The following LRP1 variants were observed in gnomAD, a reference collection of about 807,000 sequenced individuals.
LRP1 encodes LDL receptor related protein 1.
In LRP1, 51 loss-of-function variants were observed where a neutral mutation model predicts 541.5. That is an observed-to-expected ratio of 0.09 (90% CI 0.08 to 0.12). The LOEUF (loss-of-function observed/expected upper bound fraction) is 0.12, where lower values mean the gene tolerates loss of function less well. Ranked by LOEUF, LRP1 falls within the 10% of genes least tolerant of loss-of-function variation. The pLI, the probability that LRP1 is intolerant of heterozygous loss-of-function variation, is 1.00. For missense variants in LRP1, 3,878 were observed against 6,376.2 expected (o/e 0.61, Z 13.34); for synonymous variants, 2,219 against 2,470.8 (o/e 0.90, Z 3.02).
Position 57,212,345 on chromosome 12 carries a change from G to T in LRP1, c.13495-70G>T. 1.2e-6 allele frequency: 2 copies of T among 1,613,514 alleles called. No homozygotes were observed. The highest frequency in any genetic ancestry group is 1.1e-5 in the South Asian group (1 of 91,068). On this transcript the variant is annotated intron_variant, in intron 88 of 88. Coordinates refer to ENST00000243077, the MANE Select transcript of LRP1 (RefSeq NM_002332.3). This position sits in a 1 kb window ranked among gnomAD's most constrained non-coding sequence, Gnocchi z 5.0. ...GTGTTGGGTTAGGTGAGGGACGGAG[G>T]TGGGGGTGGGGTAACCTGGGCTACA...
chr12:57,161,781 C>T (rs908268762), intron 13 of LRP1, among the ~76,000 whole-genome samples: 3 of 152,248 alleles, frequency 2.0e-5, no homozygotes, highest in South Asian at 4.1e-4. Flanking sequence ...GGGCTACCTC[C>T]CCTAGGATGT....
chr12:57,147,241 G>A (rs1004820485), intron 6 of LRP1, among the ~76,000 whole-genome samples: 3 of 151,856 alleles, frequency 2.0e-5, no homozygotes, highest in African/African-American at 4.8e-5. Context: ...CCTGCTCCAC[G>A]TCCCTGCCGC....
chr12:57,204,300 G>A lies in LRP1; in HGVS notation c.10952-110G>A. The A allele has an allele frequency of 1.6e-6, 2 of 1,270,490 alleles. No individual in the cohort carries two copies. The highest frequency in any genetic ancestry group is 2.1e-6 in the Non-Finnish European group (2 of 947,782). The allele number at this position is 1,270,490 out of a possible 1,614,324, so 78.7% of individuals were successfully genotyped here. A position where few individuals can be genotyped will look rare whatever the true frequency, so the allele number is the denominator to read the frequency against. ...TAAGAGACCTGGTTCCAATTTGGCT[G>A]TGCCACTGCTTGCCTGGTGACCCCT... On this transcript the variant is annotated intron_variant, in intron 70 of 88. Coordinates refer to ENST00000243077, the MANE Select transcript of LRP1 (RefSeq NM_002332.3). The surrounding 1 kb of genome is among the most constrained non-coding windows in gnomAD (Gnocchi z 5.3).
At chr12:57,172,471 T>C (rs756209774) in intron 20 of LRP1, among the ~76,000 whole-genome samples, 3 of 152,268 alleles carry the variant, frequency 2.0e-5, no homozygotes, top group Non-Finnish European at 2.9e-5. Context: ...GCCTGGCCTG[T>C]GTGCTGTTTT....
chr12:57,180,233 C>T (rs2036136409), intron 31 of LRP1, 92 bp downstream of exon 31: 1 of 1,578,704 alleles, frequency 6.3e-7, no homozygotes, highest in Non-Finnish European at 8.7e-7. Flanking sequence ...TCAGCCTCCC[C>T]AGAGCCCTAG....
Position 57,145,291 on chromosome 12 carries a change from G to T in LRP1, c.642G>T (p.Leu214=). 6.2e-7 allele frequency: 1 copy of T among 1,614,174 alleles called. No homozygotes were observed. The highest frequency in any genetic ancestry group is 8.5e-7 in the Non-Finnish European group (1 of 1,180,030). The change falls in exon 6 of 89, where the codon CTG becomes CTT. Residue 214 remains leucine (L), a synonymous_variant. Transcript: ENST00000243077. ...CCCAGAACATCTTGGCCACGTACCT[G>T]AGTGGGGCCCAGGTGTCTACCATCA... ...ANSQNILATY[L]SGAQVSTITP... is the part of the protein sequence containing the mutation.
In LRP1 at chr12:57,196,083, G is replaced by T. The variant is rs555158180; in HGVS notation, c.8702-4G>T. On this transcript the variant is annotated splice_polypyrimidine_tract_variant and splice_region_variant and intron_variant, in intron 54 of 88. Transcript: ENST00000243077. ...GCTGACCTGCCGCCTCCGCCCCTCC[G>T]CAGAGCACAAGTGCAATGCCTCGTC... The T allele has an allele frequency of 6.2e-7, 1 of 1,608,810 alleles. No individual in the cohort carries two copies. Among genetic ancestry groups the T allele is most frequent in the Non-Finnish European group, 8.5e-7 (1 of 1,176,486 alleles).
At position 57,138,545 on chromosome 12, in the gene LRP1, G is replaced by C; in HGVS notation, c.154G>C (p.Asp52His). 6.2e-7 allele frequency: 1 copy of C among 1,614,088 alleles called. No homozygotes were observed. The highest frequency in any genetic ancestry group is 8.5e-7 in the Non-Finnish European group (1 of 1,179,970). ...SKGWRCDGER[D>H]CPDGSDEAPE... ...GGGCTGGCGGTGCGACGGTGAGAGG[G>C]ACTGCCCAGACGGATCTGACGAGGC... The change falls in exon 2 of 89, where the codon GAC becomes CAC. Residue 52 changes from aspartate (D) to histidine (H), a missense_variant. Transcript: ENST00000243077.
rs1396654134 is a variant in LRP1 at position 57,211,232 on chromosome 12, T to C, written c.12973T>C (p.Ser4325Pro). 1 of 1,614,184 alleles carries C rather than the reference T, an allele frequency of 6.2e-7. No homozygotes were observed. Among genetic ancestry groups the C allele is most frequent in the Admixed American group, 1.7e-5 (1 of 60,018 alleles). Residue 4325 changes from serine to proline, a missense_variant, in exon 84 of 89, where the codon TCC becomes CCC. Physicochemically the swap from Ser to Pro is moderately conservative, Grantham distance 74 (BLOSUM62 -1). Transcript: ENST00000243077. The surrounding 1 kb of genome is among the most constrained non-coding windows in gnomAD (Gnocchi z 4.3). ...CACATGCCAGATGGCTGCTGATGGC[T>C]CCCGACAATGCCGCTGCACTGCCTA... ...FGTCQMAADG[S>P]RQCRCTAYFE...
intron 44 of LRP1, among the ~76,000 whole-genome samples, chr12:57,192,013 C>CAG (rs1358569400): frequency 3.0e-5 from 1 of 32,806 alleles, no homozygotes. Flanking sequence ...CATACACATG[C>CAG]CACACACCTA....
rs2036942658 is a variant in LRP1, at chr12:57,212,626, T to C, written c.*71T>C. ...CCAGTGAAGTCCTTCAGTGAGCCCCTCCCCAGCCAGCCCTTCCCTGGCCCC... is the reference window on the plus strand; with the variant it reads ...CCAGTGAAGTCCTTCAGTGAGCCCCCCCCCAGCCAGCCCTTCCCTGGCCCC... On this transcript the variant is annotated 3_prime_UTR_variant, in exon 89 of 89. Transcript: ENST00000243077. The surrounding 1 kb of genome is among the most constrained non-coding windows in gnomAD (Gnocchi z 5.0). 2 of 1,460,600 alleles carry C rather than the reference T, an allele frequency of 1.4e-6. No individual in the cohort carries two copies. The allele number at this position is 1,460,600 out of a possible 1,614,324, so 90.5% of individuals were successfully genotyped here.
In LRP1 at chr12:57,165,759, C is replaced by T. The variant is rs373357429; in HGVS notation, c.2531-46C>T. 2.4e-5 allele frequency: 38 copies of T among 1,594,116 alleles called. No homozygotes were observed. Among genetic ancestry groups the T allele is most frequent in the East Asian group, 9.0e-5 (4 of 44,320 alleles). On this transcript the variant is annotated intron_variant, in intron 15 of 88. Transcript: ENST00000243077. The surrounding 1 kb of genome is among the most constrained non-coding windows in gnomAD (Gnocchi z 4.5). ...TGCAAAGGGCTTAGTACTTGTCCCA[C>T]GACCGGGGTCTGACTTTCCCCCTCA...
Position 57,128,555 on chromosome 12 carries a change from A to G in LRP1, c.-410A>G, listed in dbSNP as rs1163436839. On this transcript the variant is annotated 5_prime_UTR_variant, in exon 1 of 89. Transcript: ENST00000243077. ...GGAGGCGGAAACAAGGGGAGCCCCC[A>G]GAGCTCCATCAAGCCCCCTCCAAAG... 53 of 329,050 alleles carry G rather than the reference A, an allele frequency of 1.6e-4. No individual in the cohort carries two copies. The East Asian group carries it at 2.5e-3, about 16-fold the overall frequency. The allele number at this position is 329,050 out of a possible 1,614,324, so 20.4% of individuals were successfully genotyped here. A position where few individuals can be genotyped will look rare whatever the true frequency, so the allele number is the denominator to read the frequency against.
rs562580565 is a variant in LRP1 at position 57,149,394 on chromosome 12, G to T, written c.841+3904G>T. 6.5e-4 allele frequency: 353 copies of T among 541,110 alleles called. 1 individual carries two copies. Among genetic ancestry groups the T allele is most frequent in the South Asian group, 4.9e-3 (203 of 41,308 alleles). The allele number at this position is 541,110 out of a possible 1,614,324, so 33.5% of individuals were successfully genotyped here. On this transcript the variant is annotated intron_variant, in intron 6 of 88. Coordinates refer to ENST00000243077, the MANE Select transcript of LRP1 (RefSeq NM_002332.3). Reference sequence around the variant, plus strand: ...GGCCCGGGCCAGCCCTGTGTCTCCCGGCCCAGATCCAGCCCTGTCCTCTCC... The same window carrying T: ...GGCCCGGGCCAGCCCTGTGTCTCCCTGCCCAGATCCAGCCCTGTCCTCTCC...
In LRP1 at chr12:57,154,366, A is replaced by G. The variant is rs1423574172; in HGVS notation, c.1000A>G (p.Met334Val). 2 of 1,608,896 alleles carry G rather than the reference A, an allele frequency of 1.2e-6. No homozygotes were observed. The highest frequency in any genetic ancestry group is 1.7e-6 in the Non-Finnish European group (2 of 1,175,558). The change falls in exon 7 of 89, where the codon ATG (methionine) becomes GTG (valine). Residue 334 changes from methionine (M) to valine (V), a missense_variant. Met to Val is a conservative substitution (Grantham distance 21). Around this residue, in one of 13 missense-constraint regions of LRP1, gnomAD observed 496 missense variants for 861.0 expected, o/e 0.58. Coordinates refer to ENST00000243077, the MANE Select transcript of LRP1 (RefSeq NM_002332.3). This position sits in a 1 kb window ranked among gnomAD's most constrained non-coding sequence, Gnocchi z 4.6. ...CAAGGGCATTGCCCTGGACCCTGCC[A>G]TGGGGTGAGAGTGGCAGGCGGGGTT... Reference protein sequence around the residue: ...NPKGIALDPAMGKVFFTDYGQ... With the variant: ...NPKGIALDPAVGKVFFTDYGQ...
In LRP1 at chr12:57,185,585, G is replaced by T; in HGVS notation, c.6518G>T (p.Arg2173Leu). 1 of 1,604,414 alleles carries T rather than the reference G, an allele frequency of 6.2e-7. No individual in the cohort carries two copies. Among genetic ancestry groups the T allele is most frequent in the East Asian group, 2.2e-5 (1 of 44,722 alleles). The change falls in exon 41 of 89, where the codon CGG becomes CTG. Residue 2173 changes from arginine to leucine, a missense_variant. Coordinates refer to ENST00000243077, the MANE Select transcript of LRP1 (RefSeq NM_002332.3). The surrounding 1 kb of genome is among the most constrained non-coding windows in gnomAD (Gnocchi z 4.9). ...NGGCQQLCLY[R>L]GRGQRACACA... is the part of the protein sequence containing the mutation. ...GGGTGCCAGCAGCTGTGCCTGTACC[G>T]GGGCCGTGGGCAGCGGGCCTGCGCC...
rs1414406424 is a variant in LRP1 at position 57,206,861 on chromosome 12, C to T, written c.11859+120C>T. On this transcript the variant is annotated intron_variant, in intron 76 of 88. Coordinates refer to ENST00000243077, the MANE Select transcript of LRP1 (RefSeq NM_002332.3). The surrounding 1 kb of genome is among the most constrained non-coding windows in gnomAD (Gnocchi z 4.7). ...GTGGCTCACGCCTATAATCCCAGCACTTTGGGAGGCCAAGGCGGGCAGATC... is the reference window on the plus strand; with the variant it reads ...GTGGCTCACGCCTATAATCCCAGCATTTTGGGAGGCCAAGGCGGGCAGATC... 2.6e-6 allele frequency: 3 copies of T among 1,161,268 alleles called. No individual in the cohort carries two copies. The African/African-American group carries it at 4.6e-5, about 18-fold the overall frequency. 71.9% of individuals were successfully genotyped at this position (1,161,268 alleles called of 1,614,324 possible).
intron 1 of LRP1, 148 bp downstream of exon 1, chr12:57,129,179 C>G: frequency 1.2e-6 from 1 of 842,242 alleles, no homozygotes; most frequent in South Asian, 1.6e-5. Flanking sequence ...CGACTGGGGG[C>G]GGGGATGGGG....
chr12:57,129,418 C>T (rs1216483144), intron 1 of LRP1, among the ~76,000 whole-genome samples: 4 of 151,998 alleles, frequency 2.6e-5, no homozygotes, highest in Non-Finnish European at 5.9e-5. Context: ...TTGCAATGTT[C>T]GGCTGCAAAA....
Sources: gnomAD v4.1 joint callset for allele counts (sites outside exome capture counted in the v4.1 genomes callset) on GRCh38, gnomAD v4.1.1 for gene constraint, gnomAD v4.1.1 regional missense constraint, Gnocchi (gnomAD v3.1) non-coding constraint, MANE v1.5 for transcripts, NCBI Gene and HGNC (gene_info 2026-07-23, HGNC 2026-07-21) for gene names.